GPC4: variants seen among roughly 807,000 people sequenced by gnomAD.
GPC4 encodes glypican 4.
A neutral mutation model predicts 35.0 loss-of-function variants in GPC4; 10 were observed. The observed-to-expected ratio is 0.29, with a 90% CI of 0.18 to 0.48. The LOEUF (loss-of-function observed/expected upper bound fraction) is 0.48, where lower values mean the gene tolerates loss of function less well. GPC4 is among the 20% of genes least tolerant of loss of function. The probability of loss-of-function intolerance (pLI) is 0.99; values close to 1 mark genes in which losing one functional copy is unlikely to be tolerated. For synonymous variants in GPC4, 167 were observed against 170.2 expected (o/e 0.98, Z 0.15); for missense variants, 322 against 451.3 (o/e 0.71, Z 2.60).
intron 1 of GPC4, among the ~76,000 whole-genome samples, chrX:133,353,893 C>T (rs2124145546): frequency 9.0e-6 from 1 of 111,263 alleles, no homozygotes; most frequent in Non-Finnish European, 1.9e-5. Context: ...CGTTTTTCTC[C>T]CTAGTTTCCA....
At chrX:133,354,350 T>C (rs2068530211) in intron 1 of GPC4, among the ~76,000 whole-genome samples, 1 of 112,192 alleles carries the variant, frequency 8.9e-6, no homozygotes, top group Non-Finnish European at 1.9e-5. Context: ...AGAACAAATA[T>C]GACAACTGAA....
intron 1 of GPC4, among the ~76,000 whole-genome samples, chrX:133,365,014 G>A (rs751590402): frequency 1.9e-3 from 208 of 111,604 alleles, no homozygotes; most frequent in African/African-American, 6.6e-3. Flanking sequence ...TTTCTGGGGG[G>A]AGTCACAGAG....
intron 1 of GPC4, among the ~76,000 whole-genome samples, chrX:133,379,197 C>G (rs1045580568): frequency 8.9e-6 from 1 of 112,446 alleles, no homozygotes; most frequent in African/African-American, 3.2e-5. Context: ...ACCTAAGCAC[C>G]CATCAACTGA....
At chrX:133,359,693 G>A (rs112843280) in intron 1 of GPC4, among the ~76,000 whole-genome samples, 1 of 111,011 alleles carries the variant, frequency 9.0e-6, no homozygotes, top group African/African-American at 3.3e-5. Context: ...CACTGAACTC[G>A]GCAGGTCAGA....
chrX:133,376,532 G>C (rs2068634189), intron 1 of GPC4, among the ~76,000 whole-genome samples: 1 of 112,267 alleles, frequency 8.9e-6, no homozygotes, highest in Admixed American at 9.4e-5. Flanking sequence ...TCATGTTGAG[G>C]GTTCTCTCAG....
At chrX:133,404,120 A>T (rs2068776783) in intron 1 of GPC4, among the ~76,000 whole-genome samples, 1 of 111,961 alleles carries the variant, frequency 8.9e-6, no homozygotes, top group Non-Finnish European at 1.9e-5. Context: ...ACCAGTATTC[A>T]AATGTGTCAC....
At chrX:133,309,669 T>G (rs1183384509) in intron 4 of GPC4, among the ~76,000 whole-genome samples, 1 of 112,217 alleles carries the variant, frequency 8.9e-6, no homozygotes, top group Non-Finnish European at 1.9e-5. Context: ...GGAGAAACAG[T>G]GAATTATAGG....
At chrX:133,413,638 C>T (rs1057410426) in intron 1 of GPC4, among the ~76,000 whole-genome samples, 1 of 110,813 alleles carries the variant, frequency 9.0e-6, no homozygotes, top group African/African-American at 3.3e-5. Context: ...CAGCCCCCCC[C>T]CCGGGCTCGA....
At chrX:133,393,772 C>CA (rs764718812) in intron 1 of GPC4, among the ~76,000 whole-genome samples, 1 of 111,549 alleles carries the variant, frequency 9.0e-6, no homozygotes. Flanking sequence ...AAACCAAACA[C>CA]AAAAAAACAC....
At chrX:133,412,433 G>T (rs1347190499) in intron 1 of GPC4, among the ~76,000 whole-genome samples, 4 of 111,682 alleles carry the variant, frequency 3.6e-5, no homozygotes, top group African/African-American at 1.3e-4. Context: ...TGTTATTGTT[G>T]AAAGTGGTGC....
intron 1 of GPC4, among the ~76,000 whole-genome samples, chrX:133,406,760 A>G (rs1337623959): frequency 9.5e-6 from 1 of 104,736 alleles, no homozygotes; most frequent in Non-Finnish European, 1.9e-5. Flanking sequence ...AAAAAAAAAA[A>G]AAAAAAAAAG....
intron 4 of GPC4, among the ~76,000 whole-genome samples, chrX:133,307,260 A>T (rs767622888): frequency 8.9e-6 from 1 of 111,911 alleles, no homozygotes; most frequent in African/African-American, 3.2e-5. Context: ...ACAGCTGACA[A>T]TTGCAGCCCC....
chrX:133,338,598 C>T (rs1207279083), intron 2 of GPC4, among the ~76,000 whole-genome samples: 1 of 111,596 alleles, frequency 9.0e-6, no homozygotes, highest in African/African-American at 3.3e-5. Context: ...TGGGTTCTGT[C>T]GTGGCTTTTA....
At chrX:133,344,180 C>A in intron 1 of GPC4, among the ~76,000 whole-genome samples, 1 of 54,666 alleles carries the variant, frequency 1.8e-5, no homozygotes, top group African/African-American at 4.8e-5. Context: ...TATTTTCTTT[C>A]TTTCTTTCTG....
chrX:133,327,654 TGTGTG>T (rs2068400262), intron 2 of GPC4, among the ~76,000 whole-genome samples: 1 of 105,783 alleles, frequency 9.5e-6, no homozygotes, highest in Non-Finnish European at 1.9e-5. Context: ...TGTGTGTGTG[TGTGTG>T]TGTGTGTGTG....
At position 133,311,131 on chromosome X, in the gene GPC4, G is replaced by A. The variant is rs1471349723; in HGVS notation, c.877+127C>T. 5 of 640,510 alleles carry A rather than the reference G, an allele frequency of 7.8e-6. No individual in the cohort carries two copies. In the African/African-American group the frequency reaches 1.1e-4, roughly 14 times the overall value. 52.8% of individuals were successfully genotyped at this position (640,510 alleles called of 1,213,427 possible). ...TTCTCAAAGTAGTTGAGCGTAGTCA[G>A]GATTCTGACAAACACTAAATAGCAA... On this transcript the variant is annotated intron_variant, in intron 4 of 8. Transcript: ENST00000370828.
rs1307109966 is a variant in GPC4, at chrX:133,300,637, CAAAG to C, written c.*2226_*2229del. 9.0e-6 allele frequency: 1 copy of C among 111,449 alleles called. No individual in the cohort carries two copies. Among genetic ancestry groups the C allele is most frequent in the African/African-American group, 3.3e-5 (1 of 30,717 alleles). The allele number at this position is 111,449 out of a possible 1,213,427, so 9.2% of individuals were successfully genotyped here. ...AATAAAAGAGTAACAGGAAAAAATG[CAAAG>C]AAAGAAAACAAATCAGTAAGAGTTC... On this transcript the variant is annotated 3_prime_UTR_variant, in exon 9 of 9. Transcript: ENST00000370828.
At position 133,304,762 on chromosome X, in the gene GPC4, T is replaced by C; in HGVS notation, c.1255A>G (p.Asn419Asp). 1.7e-6 allele frequency: 2 copies of C among 1,211,604 alleles called. No homozygotes were observed. The highest frequency in any genetic ancestry group is 2.2e-6 in the Non-Finnish European group (2 of 895,350). Residue 419 changes from asparagine (N) to aspartate (D), a missense_variant, in exon 7 of 9, where the codon AAT becomes GAT. Coordinates refer to ENST00000370828, the MANE Select transcript of GPC4 (RefSeq NM_001448.3). ...NDERMAAGNG[N>D]EDDCWNGKGK... ...TTCCCATTCCAACAGTCATCCTCATTGCCGTTTCCTGCAGCCATCCTCTCA... is the reference window on the plus strand; with the variant it reads ...TTCCCATTCCAACAGTCATCCTCATCGCCGTTTCCTGCAGCCATCCTCTCA...
intron 1 of GPC4, among the ~76,000 whole-genome samples, chrX:133,352,295 T>C (rs1243218364): frequency 1.8e-5 from 2 of 111,907 alleles, no homozygotes; most frequent in Non-Finnish European, 3.8e-5. Context: ...TTGCCATATA[T>C]ACTATGTCCA....
Sources: allele counts gnomAD v4.1 joint callset (sites outside exome capture counted in the v4.1 genomes callset), GRCh38; gene constraint gnomAD v4.1.1; transcripts MANE v1.5; gene names NCBI Gene and HGNC (gene_info 2026-07-23, HGNC 2026-07-21).